The following CEP250 variants were observed in gnomAD, a reference collection of about 807,000 sequenced individuals.
CEP250 encodes centrosomal protein 250, also known as centrosome-associated protein CEP250.
CEP250 carries 242 observed loss-of-function variants against 315.7 expected under a neutral mutation model. The observed-to-expected ratio is 0.77, with a 90% CI of 0.69 to 0.85. The LOEUF is 0.85. CEP250 is among the 40% of genes least tolerant of loss of function. The pLI is 0.00. For missense variants in CEP250, 2,515 were observed against 2,886.4 expected (o/e 0.87, Z 2.95); for synonymous variants, 1,088 against 1,175.0 (o/e 0.93, Z 1.51).
At chr20:35,489,996 T>A (rs1184794089) in intron 20 of CEP250, among the ~76,000 whole-genome samples, 1 of 151,254 alleles carries the variant, frequency 6.6e-6, no homozygotes, top group Non-Finnish European at 1.5e-5. Flanking sequence ...CTGGGCAACA[T>A]AGTGAGACCC....
rs912652170 is a variant in CEP250 at position 35,469,929 on chromosome 20, G to T, written c.891G>T (p.Lys297Asn). 3 of 1,613,834 alleles carry T rather than the reference G, an allele frequency of 1.9e-6. No homozygotes were observed. The African/African-American group carries it at 4.0e-5, about 22-fold the overall frequency. ...CTGCTCTGTTGACCCAGTCTCAGAA[G>T]CAAAATGAAGATTATGAAAAGATGA... is the stretch of plus-strand genomic sequence containing the variant. The part of the protein sequence containing the change: ...ELSALLTQSQ[K>N]QNEDYEKMIK... Residue 297 changes from lysine (K) to asparagine (N), a missense_variant, in exon 10 of 35, where the codon AAG becomes AAT. Physicochemically the swap from Lys to Asn is moderately conservative, Grantham distance 94. Coordinates refer to ENST00000397527, the MANE Select transcript of CEP250 (RefSeq NM_007186.6).
chr20:35,503,545 C>G lies in CEP250; in HGVS notation c.5176C>G (p.His1726Asp), dbSNP rs369299705. Residue 1726 changes from histidine (H) to aspartate (D), a missense_variant, in exon 30 of 35, where the codon CAC becomes GAC. Transcript: ENST00000397527. This position sits in a 1 kb window ranked among gnomAD's most constrained non-coding sequence, Gnocchi z 4.2. ...PSKAQRGSLE[H>D]MKLILRDKEK... ...TAAAGCACAGCGCGGGAGCCTAGAG[C>G]ACATGAAGCTGATCCTGCGTGATAA... 2 of 1,613,898 alleles carry G rather than the reference C, an allele frequency of 1.2e-6. No homozygotes were observed. The highest frequency in any genetic ancestry group is 2.7e-5 in the African/African-American group (2 of 74,896).
intron 24 of CEP250, among the ~76,000 whole-genome samples, chr20:35,495,316 T>C (rs765915309): frequency 3.9e-5 from 6 of 152,216 alleles, no homozygotes; most frequent in Admixed American, 6.5e-5. Context: ...TTGAGTTTCA[T>C]AGGAAACCTC....
At chr20:35,494,817 T>C (rs1382333013) in intron 24 of CEP250, among the ~76,000 whole-genome samples, 160 bp downstream of exon 24, 1 of 152,228 alleles carries the variant, frequency 6.6e-6, no homozygotes, top group African/African-American at 2.4e-5. Flanking sequence ...TCTTCAAAGC[T>C]TGAACTTCAT....
At chr20:35,471,000 G>T (rs1433886355) in intron 10 of CEP250, among the ~76,000 whole-genome samples, 3 of 152,112 alleles carry the variant, frequency 2.0e-5, no homozygotes, top group Non-Finnish European at 4.4e-5. Context: ...ATCTCTATAA[G>T]TTTTCAGATC....
rs757946405 is a variant in CEP250 at position 35,507,777 on chromosome 20, C to T, written c.6676C>T (p.Arg2226Trp). ...ELTRRALEKE[R>W]LHSPGATSTA... ...CACCAGACGGGCTCTGGAGAAGGAG[C>T]GGCTACACAGCCCAGGTGCAACCAG... Residue 2226 changes from arginine to tryptophan, a missense_variant, in exon 31 of 35, where the codon CGG becomes TGG. Physicochemically the swap from Arg to Trp is moderately radical, Grantham distance 101. Coordinates refer to ENST00000397527, the MANE Select transcript of CEP250 (RefSeq NM_007186.6). 1.2e-5 allele frequency: 18 copies of T among 1,560,334 alleles called. No individual in the cohort carries two copies. Among genetic ancestry groups the T allele is most frequent in the African/African-American group, 2.7e-5 (2 of 73,278 alleles).
chr20:35,465,025 G>A (rs764412829), intron 5 of CEP250, among the ~76,000 whole-genome samples: 1 of 152,232 alleles, frequency 6.6e-6, no homozygotes, highest in Non-Finnish European at 1.5e-5. Flanking sequence ...AAGTCAAGGA[G>A]CATCTATAAT....
chr20:35,482,101 A>G (rs1214610998), intron 20 of CEP250, among the ~76,000 whole-genome samples: 1 of 152,066 alleles, frequency 6.6e-6, no homozygotes, highest in Non-Finnish European at 1.5e-5. Context: ...AGATAGATAG[A>G]TAGATTCACT....
Position 35,497,986 on chromosome 20 carries a change from G to T in CEP250, c.3574G>T (p.Ala1192Ser). ...CAGCCTCTACTCTGCCCTGCAGCAG[G>T]CCCTGGGGTCTGTTTGTGAGAGCAG... is the stretch of plus-strand genomic sequence containing the variant. ...LASLYSALQQ[A>S]LGSVCESRPE... is the part of the protein sequence containing the mutation. Residue 1192 changes from alanine (A) to serine (S), a missense_variant, in exon 26 of 35, where the codon GCC (alanine) becomes TCC (serine). Transcript: ENST00000397527. 1.9e-6 allele frequency: 3 copies of T among 1,613,408 alleles called. No homozygotes were observed. Among genetic ancestry groups the T allele is most frequent in the Non-Finnish European group, 2.5e-6 (3 of 1,179,696 alleles).
intron 20 of CEP250, among the ~76,000 whole-genome samples, chr20:35,485,645 C>CA (rs2063489500): frequency 3.0e-5 from 1 of 33,788 alleles, no homozygotes; most frequent in Non-Finnish European, 5.2e-5. Flanking sequence ...GTCTGCCTGG[C>CA]TTTTTTTTTT....
rs1449349516 is a variant in CEP250 at position 35,479,746 on chromosome 20, G to A, written c.2389G>A (p.Val797Ile). 1 of 1,614,208 alleles carries A rather than the reference G, an allele frequency of 6.2e-7. No individual in the cohort carries two copies. The highest frequency in any genetic ancestry group is 1.1e-5 in the South Asian group (1 of 91,088). The change falls in exon 19 of 35, where the codon GTC (valine) becomes ATC (isoleucine). Residue 797 changes from valine to isoleucine, a missense_variant. Coordinates refer to ENST00000397527, the MANE Select transcript of CEP250 (RefSeq NM_007186.6). ...KGQLEVQIQT[V>I]TQAKEVIQGE... ...GCAGCTGGAGGTCCAGATTCAAACT[G>A]TCACTCAAGCCAAGGAAGTAATCCA...
intron 10 of CEP250, among the ~76,000 whole-genome samples, chr20:35,471,581 C>A (rs1277318664): frequency 6.6e-6 from 1 of 152,150 alleles, no homozygotes; most frequent in Non-Finnish European, 1.5e-5. Flanking sequence ...AGCTTTGGGG[C>A]TAGAGGATTC....
chr20:35,511,946 A>G lies in CEP250; in HGVS notation c.*320A>G. The G allele has an allele frequency of 8.7e-7, 1 of 1,149,162 alleles. No homozygotes were observed. The highest frequency in any genetic ancestry group is 1.1e-6 in the Non-Finnish European group (1 of 934,144). 71.2% of individuals were successfully genotyped at this position (1,149,162 alleles called of 1,614,324 possible). On this transcript the variant is annotated 3_prime_UTR_variant, in exon 35 of 35. Coordinates refer to ENST00000397527, the MANE Select transcript of CEP250 (RefSeq NM_007186.6). ...CACCACCTCCTTCATCTTCTCCTTC[A>G]ACAATAAACCCTGGGATCTTTGCAT... is the stretch of plus-strand genomic sequence containing the variant.
intron 22 of CEP250, among the ~76,000 whole-genome samples, 188 bp downstream of exon 22, chr20:35,491,534 C>T (rs2063694526): frequency 6.6e-6 from 1 of 151,982 alleles, no homozygotes; most frequent in Non-Finnish European, 1.5e-5. Context: ...TTTGGCAGGC[C>T]AAGGTGGGTG....
chr20:35,473,180 G>A (rs975355098), intron 12 of CEP250, among the ~76,000 whole-genome samples, 194 bp from the exon 13 acceptor site: 13 of 152,094 alleles, frequency 8.5e-5, no homozygotes, highest in Non-Finnish European at 1.8e-4. Context: ...TGGAGATGAC[G>A]AACTCTAAGA....
intron 13 of CEP250, 56 bp downstream of exon 13, chr20:35,473,608 C>T: frequency 1.3e-6 from 2 of 1,502,254 alleles, no homozygotes; most frequent in Non-Finnish European, 1.8e-6. Context: ...TCTCAGTCAC[C>T]ATCCAGCCAT....
At position 35,467,074 on chromosome 20, in the gene CEP250, T is replaced by C. The variant is rs1289195190; in HGVS notation, c.599+2T>C. 3.7e-6 allele frequency: 6 copies of C among 1,604,510 alleles called. No individual in the cohort carries two copies. Among genetic ancestry groups the C allele is most frequent in the Non-Finnish European group, 5.1e-6 (6 of 1,175,240 alleles). ...GGAAATGAAGTCAGCTACTGACAGGTCAGTGTGGGGAGAAGAAGGGAGGAG... is the reference window on the plus strand; with the variant it reads ...GGAAATGAAGTCAGCTACTGACAGGCCAGTGTGGGGAGAAGAAGGGAGGAG... On this transcript the variant is annotated splice_donor_variant, in intron 8 of 34. Coordinates refer to ENST00000397527, the MANE Select transcript of CEP250 (RefSeq NM_007186.6). LOFTEE classifies it high-confidence loss of function.
intron 22 of CEP250, among the ~76,000 whole-genome samples, chr20:35,493,200 T>C (rs2063744937): frequency 6.6e-6 from 1 of 152,018 alleles, no homozygotes; most frequent in South Asian, 2.1e-4. Flanking sequence ...GTTAGGAGAC[T>C]GTTTCCATGG....
intron 22 of CEP250, among the ~76,000 whole-genome samples, chr20:35,492,647 G>A (rs1038574884): frequency 6.6e-6 from 1 of 152,218 alleles, no homozygotes; most frequent in African/African-American, 2.4e-5. Flanking sequence ...GGCGAGTGGA[G>A]CGGTAGCCAG....
Sources: gnomAD v4.1 joint callset for allele counts (sites outside exome capture counted in the v4.1 genomes callset) on GRCh38, gnomAD v4.1.1 for gene constraint, Gnocchi (gnomAD v3.1) non-coding constraint, MANE v1.5 for transcripts, NCBI Gene and HGNC (gene_info 2026-07-23, HGNC 2026-07-21) for gene names.